Variants in SLC5A10 observed in about 807,000 individuals in gnomAD.
SLC5A10 encodes the protein solute carrier family 5 member 10.
Under a neutral mutation model 68.9 loss-of-function variants are expected in SLC5A10, and 55 were observed. That is an observed-to-expected ratio of 0.80 (90% CI 0.64 to 1.00). The LOEUF is 1.00. SLC5A10 is among the 50% of genes least tolerant of loss of function. The pLI is 0.00. For missense variants in SLC5A10, 732 were observed against 819.3 expected (o/e 0.89, Z 1.30); for synonymous variants, 344 against 344.8 (o/e 1.00, Z 0.02).
Position 19,018,276 on chromosome 17 carries a change from C to T in SLC5A10, c.1242-1147C>T, listed in dbSNP as rs1416544139. 6.6e-6 allele frequency: 1 copy of T among 152,372 alleles called. No homozygotes were observed. Among genetic ancestry groups the T allele is most frequent in the African/African-American group, 2.4e-5 (1 of 41,444 alleles). The allele number at this position is 152,372 out of a possible 1,614,324, so 9.4% of individuals were successfully genotyped here. A position where few individuals can be genotyped will look rare whatever the true frequency, so the allele number is the denominator to read the frequency against. On this transcript the variant is annotated intron_variant, in intron 11 of 14. Transcript: ENST00000395645. The surrounding 1 kb of genome is among the most constrained non-coding windows in gnomAD (Gnocchi z 4.2). ...CACCCACCTTGGGGGTGAGGAATGC[C>T]AACTGACCCAGGACACAGGGGTGAG...
At position 19,018,679 on chromosome 17, in the gene SLC5A10, G is replaced by C. The variant is rs1174312924; in HGVS notation, c.1242-744G>C. The C allele has an allele frequency of 1.3e-5, 2 of 152,410 alleles. No homozygotes were observed. Among genetic ancestry groups the C allele is most frequent in the African/African-American group, 4.8e-5 (2 of 41,464 alleles). The allele number at this position is 152,410 out of a possible 1,614,324, so 9.4% of individuals were successfully genotyped here. On this transcript the variant is annotated intron_variant, in intron 11 of 14. Transcript: ENST00000395645. This position sits in a 1 kb window ranked among gnomAD's most constrained non-coding sequence, Gnocchi z 4.2. Reference sequence around the variant, plus strand: ...TGACACGCAGGGGACAGGAGGGGACGGGCTCATGCTGGCCCAGCAGGGCTC... The same window carrying C: ...TGACACGCAGGGGACAGGAGGGGACCGGCTCATGCTGGCCCAGCAGGGCTC...
intron 9 of SLC5A10, chr17:18,978,120 G>A (rs756019372): frequency 6.6e-7 from 1 of 1,518,516 alleles, no homozygotes; most frequent in Non-Finnish European, 8.8e-7. Context: ...TCCCGGGCTA[G>A]TACATCTGCC....
At chr17:19,009,559 C>T (rs1228552282) in intron 9 of SLC5A10, among the ~76,000 whole-genome samples, 1 of 152,238 alleles carries the variant, frequency 6.6e-6, no homozygotes, top group Non-Finnish European at 1.5e-5. Context: ...AGCCTTTCTC[C>T]TGCTCCCTCC....
chr17:18,976,426 C>A, intron 8 of SLC5A10: 1 of 159,076 alleles, frequency 6.3e-6, no homozygotes, highest in Non-Finnish European at 1.4e-5. Context: ...CTCTGCCAGC[C>A]ATGCAAACAC....
chr17:19,012,512 C>T (rs1395569968), intron 9 of SLC5A10, among the ~76,000 whole-genome samples: 1 of 152,234 alleles, frequency 6.6e-6, no homozygotes, highest in Non-Finnish European at 1.5e-5. Context: ...TAAACATGTC[C>T]AAGTCCTCCC....
chr17:18,997,786 G>T (rs573389207), intron 9 of SLC5A10, among the ~76,000 whole-genome samples: 1 of 152,358 alleles, frequency 6.6e-6, no homozygotes, highest in Admixed American at 6.5e-5. Flanking sequence ...AAGCTCTCAG[G>T]ACAGGAGTGA....
chr17:18,965,518 A>G (rs1207842592), intron 5 of SLC5A10, among the ~76,000 whole-genome samples: 2 of 152,228 alleles, frequency 1.3e-5, no homozygotes, highest in Non-Finnish European at 2.9e-5. Flanking sequence ...GCCGGTTCCC[A>G]GCCTCCTTCA....
chr17:19,008,817 T>A (rs1184153588), intron 9 of SLC5A10, among the ~76,000 whole-genome samples: 241 of 143,548 alleles, frequency 1.7e-3, no homozygotes, highest in Middle Eastern at 4.1e-3. Flanking sequence ...ATTATTATTT[T>A]TTTTTTTTTT....
At chr17:18,965,721 GC>G (rs767070562) in intron 5 of SLC5A10, among the ~76,000 whole-genome samples, 2 of 152,210 alleles carry the variant, frequency 1.3e-5, no homozygotes, top group Admixed American at 6.5e-5. Flanking sequence ...GCCCTTGCAA[GC>G]CCCCAGTGGT....
In SLC5A10 at chr17:18,977,222, T is replaced by C; in HGVS notation, c.982+233T>C. The C allele has an allele frequency of 6.5e-6, 4 of 619,560 alleles. No homozygotes were observed. In the South Asian group the frequency reaches 8.3e-5, roughly 13 times the overall value. The allele number at this position is 619,560 out of a possible 1,614,324, so 38.4% of individuals were successfully genotyped here. The stretch of plus-strand genomic sequence containing the variant: ...TGCTGTGTGACCTCAAGGCTGTAAA[T>C]GAACGTCCCTGTGCCCCGCCTTTTC... On this transcript the variant is annotated intron_variant, in intron 9 of 14. Coordinates refer to ENST00000395645, the MANE Select transcript of SLC5A10 (RefSeq NM_001042450.4).
chr17:18,962,914 G>A (rs1049098815), intron 5 of SLC5A10, among the ~76,000 whole-genome samples: 1 of 152,104 alleles, frequency 6.6e-6, no homozygotes, highest in African/African-American at 2.4e-5. Flanking sequence ...TGGCTTGGGC[G>A]GAACTTCTAG....
Position 19,015,214 on chromosome 17 carries a change from G to GCCGGTACGGGGGTGGGGA in SLC5A10, c.1241+17_1241+18insGGTACGGGGGTGGGGACC. The GCCGGTACGGGGGTGGGGA allele has an allele frequency of 7.8e-6, 3 of 386,310 alleles. No homozygotes were observed. Among genetic ancestry groups the GCCGGTACGGGGGTGGGGA allele is most frequent in the Admixed American group, 2.8e-5 (1 of 35,330 alleles). The allele number at this position is 386,310 out of a possible 1,614,324, so 23.9% of individuals were successfully genotyped here. On this transcript the variant is annotated intron_variant, in intron 11 of 14. Coordinates refer to ENST00000395645, the MANE Select transcript of SLC5A10 (RefSeq NM_001042450.4). ...CTGGTGGGACGGTACGGGGGTGGGG[G>GCCGGTACGGGGGTGGGGA]CCAGTACGGGGGTGGGGGAACACTA...
intron 1 of SLC5A10, 101 bp downstream of exon 1, chr17:18,952,417 C>A: frequency 7.1e-7 from 1 of 1,408,770 alleles, no homozygotes; most frequent in Non-Finnish European, 9.6e-7. Flanking sequence ...AGCATTGGTC[C>A]CAGCTGGTGG....
At chr17:18,972,269 C>A (rs147378659) in intron 8 of SLC5A10, among the ~76,000 whole-genome samples, 16 of 152,306 alleles carry the variant, frequency 1.1e-4, no homozygotes, top group African/African-American at 3.1e-4. Flanking sequence ...GGCACAGGCC[C>A]CACAATTGTC....
chr17:19,013,461 A>C lies in SLC5A10; in HGVS notation c.1034A>C (p.Glu345Ala). The change falls in exon 10 of 15, where the codon GAG (glutamate) becomes GCG (alanine). Residue 345 changes from glutamate (E) to alanine (A), a missense_variant. Glu to Ala is a moderately radical substitution (Grantham distance 107). Transcript: ENST00000395645. ...GAGTGCCTGCGGGCCTGCGGGGCCG[A>C]GGTCGGCTGCTCCAACATCGCCTAC... is the stretch of plus-strand genomic sequence containing the variant. ...PSECLRACGA[E>A]VGCSNIAYPK... The C allele has an allele frequency of 6.2e-7, 1 of 1,603,882 alleles. No individual in the cohort carries two copies. Among genetic ancestry groups the C allele is most frequent in the Non-Finnish European group, 8.5e-7 (1 of 1,175,208 alleles).
chr17:18,984,319 C>A (rs1567795537), intron 9 of SLC5A10, among the ~76,000 whole-genome samples: 1 of 124,494 alleles, frequency 8.0e-6, no homozygotes, highest in Non-Finnish European at 1.6e-5. Flanking sequence ...GGCGACAGAG[C>A]AAGACTCCCT....
rs773540194 is a variant in SLC5A10 at position 19,015,188 on chromosome 17, G to C, written c.1230G>C (p.Leu410=). Residue 410 remains leucine, a synonymous_variant, in exon 11 of 15, where the codon CTG becomes CTC. Transcript: ENST00000395645. ...LRPRSGEREL[L]LVGRLVIVAL... ...CCCGCTCCGGCGAGCGGGAGCTCCT[G>C]CTGGTGGGACGGTACGGGGGTGGGG... 4 of 1,611,182 alleles carry C rather than the reference G, an allele frequency of 2.5e-6. No individual in the cohort carries two copies. Among genetic ancestry groups the C allele is most frequent in the East Asian group, 2.2e-5 (1 of 44,848 alleles).
rs184456415 is a variant in SLC5A10, at chr17:19,007,486, T to C, written c.983-5924T>C. On this transcript the variant is annotated intron_variant, in intron 9 of 14. Coordinates refer to ENST00000395645, the MANE Select transcript of SLC5A10 (RefSeq NM_001042450.4). ...GGCTTAATGATAGCTCACTGCAACC[T>C]CAAATTCCTGGACTCAAGCCGTCCT... Among the ~76,000 whole-genome samples, 446 of 152,330 alleles carry C rather than the reference T, an allele frequency of 2.9e-3. 3 individuals carry two copies. The highest frequency in any genetic ancestry group is 5.1e-3 in the Non-Finnish European group (345 of 68,028).
chr17:18,956,214 AATAAATAAAT>A (rs1019691504), intron 1 of SLC5A10, among the ~76,000 whole-genome samples: 15 of 126,636 alleles, frequency 1.2e-4, no homozygotes, highest in Admixed American at 9.4e-4. Context: ...TAAATAAATA[AATAAATAAAT>A]AAATAAATAA....
Sources: gnomAD v4.1 joint callset for allele counts (sites outside exome capture counted in the v4.1 genomes callset) on GRCh38, gnomAD v4.1.1 for gene constraint, Gnocchi (gnomAD v3.1) non-coding constraint, MANE v1.5 for transcripts, NCBI Gene and HGNC (gene_info 2026-07-23, HGNC 2026-07-21) for gene names.